The following PLCB2 variants were observed in gnomAD, a reference collection of about 807,000 sequenced individuals.
PLCB2 encodes 1-phosphatidylinositol 4,5-bisphosphate phosphodiesterase beta-2.
In PLCB2, 115 loss-of-function variants were observed where a neutral mutation model predicts 141.7. The ratio of observed to expected loss-of-function variants is 0.81; its 90% CI spans 0.70 to 0.95. The LOEUF (loss-of-function observed/expected upper bound fraction) is 0.95. Among genes scored for constraint, PLCB2 ranks in the 40% least tolerant of loss-of-function variants. PLCB2 has a pLI of 0.00. For synonymous variants in PLCB2, 603 were observed against 595.6 expected, an observed-to-expected ratio of 1.01 and a Z score of -0.18; for missense variants, 1,403 against 1,541.1, an observed-to-expected ratio of 0.91 and a Z score of 1.50.
In PLCB2 at chr15:40,299,194, G is replaced by A. The variant is rs947840738; in HGVS notation, c.617C>T (p.Pro206Leu). Reference sequence around the variant, plus strand: ...GCTCATGAGGAAACTCTTGTAGACAGGTTCTGGGAAGTCCTCAGGATTGAT... The same window carrying A: ...GCTCATGAGGAAACTCTTGTAGACAAGTTCTGGGAAGTCCTCAGGATTGAT... ...DAINPEDFPE[P>L]VYKSFLMSLC... is the part of the protein sequence containing the mutation. The change falls in exon 8 of 32, where the codon CCT becomes CTT. Residue 206 changes from proline (P) to leucine (L), a missense_variant. Coordinates refer to ENST00000260402, the MANE Select transcript of PLCB2 (RefSeq NM_004573.3). 1 of 1,613,790 alleles carries A rather than the reference G, an allele frequency of 6.2e-7. No homozygotes were observed.
Position 40,301,904 on chromosome 15 carries a change from T to C in PLCB2, c.582+53A>G, listed in dbSNP as rs1335181692. 9 of 1,543,700 alleles carry C rather than the reference T, an allele frequency of 5.8e-6. No homozygotes were observed. In the Admixed American group the frequency reaches 1.5e-4, roughly 26 times the overall value. On this transcript the variant is annotated intron_variant, in intron 7 of 31. Transcript: ENST00000260402. The stretch of plus-strand genomic sequence containing the variant: ...ACCCACCATTCCTGGCCAAGTTGCT[T>C]TCTGGTGGGGACAAGAATGCTGGGG...
Position 40,292,047 on chromosome 15 carries a change from G to T in PLCB2, c.2526+17C>A. ...AATCTCTGGTGAGCCCCTGGCAGCA[G>T]TGCAGGCAACACAGACCTCAGGCAG... On this transcript the variant is annotated intron_variant, in intron 23 of 31. Transcript: ENST00000260402. The T allele has an allele frequency of 6.2e-7, 1 of 1,611,428 alleles. No homozygotes were observed. The highest frequency in any genetic ancestry group is 1.1e-5 in the South Asian group (1 of 91,010).
At chr15:40,286,713 A>G (rs1216936549), downstream of PLCB2, among the ~76,000 whole-genome samples, 1 of 152,216 alleles carries the variant, frequency 6.6e-6, no homozygotes, top group Non-Finnish European at 1.5e-5. Flanking sequence ...CCCTGCAGCC[A>G]GAGACTAATT....
rs868163732 is a variant in PLCB2 at position 40,292,955 on chromosome 15, C to T, written c.2297G>A (p.Arg766His). Reference protein sequence around the residue: ...MEEGNKFLGHRIIPINALNSG... With the variant: ...MEEGNKFLGHHIIPINALNSG... ...ATTTAGGGCATTGATGGGGATGATG[C>T]GGTGTCCAAGAAACTTGTTGCCTTC... The change falls in exon 21 of 32, where the codon CGC (arginine) becomes CAC (histidine). Residue 766 changes from arginine (R) to histidine (H), a missense_variant. By Grantham distance (29) the Arg-to-His change is conservative. Transcript: ENST00000260402. 1.0e-5 allele frequency: 16 copies of T among 1,605,768 alleles called. No individual in the cohort carries two copies. The highest frequency in any genetic ancestry group is 1.3e-5 in the African/African-American group (1 of 74,634).
chr15:40,301,503 T>C, intron 7 of PLCB2: 1 of 702,760 alleles, frequency 1.4e-6, no homozygotes, highest in Non-Finnish European at 2.6e-6. Context: ...GTCTGCATCT[T>C]GGCAGCTTCC....
rs1040669619 is a variant in PLCB2, at chr15:40,288,224, G to A, written c.*491C>T. On this transcript the variant is annotated 3_prime_UTR_variant, in exon 32 of 32. Coordinates refer to ENST00000260402, the MANE Select transcript of PLCB2 (RefSeq NM_004573.3). ...GTGGCCGTCCCCAGGGAGCTGTGAG[G>A]TAGTGCCAGGATCTGCCTCAAGGAG... 1.0e-6 allele frequency: 1 copy of A among 985,998 alleles called. No individual in the cohort carries two copies. The highest frequency in any genetic ancestry group is 1.7e-5 in the African/African-American group (1 of 57,278). 61.1% of individuals were successfully genotyped at this position (985,998 alleles called of 1,614,324 possible).
chr15:40,300,939 T>G (rs1011845734), intron 7 of PLCB2: 1 of 152,708 alleles, frequency 6.5e-6, no homozygotes. Context: ...CAGTAGCCTC[T>G]ACTGAGACAC....
chr15:40,297,869 A>T lies in PLCB2; in HGVS notation c.1238+8T>A, dbSNP rs1167002925. 2 of 1,609,696 alleles carry T rather than the reference A, an allele frequency of 1.2e-6. No individual in the cohort carries two copies. Among genetic ancestry groups the T allele is most frequent in the Admixed American group, 3.3e-5 (2 of 59,970 alleles). ...TGAGAATGTGGCTGAATGGGCCTGG[A>T]TACGCACGAGTCCACATGGTTCTCA... On this transcript the variant is annotated splice_region_variant and intron_variant, in intron 12 of 31. Coordinates refer to ENST00000260402, the MANE Select transcript of PLCB2 (RefSeq NM_004573.3). The surrounding 1 kb of genome is among the most constrained non-coding windows in gnomAD (Gnocchi z 4.2).
chr15:40,303,142 C>T, intron 3 of PLCB2, 146 bp downstream of exon 3: 1 of 670,014 alleles, frequency 1.5e-6, no homozygotes, highest in Non-Finnish European at 2.7e-6. Context: ...CCTTCCTTGG[C>T]TTCCAGCCAC....
chr15:40,292,460 G>C lies in PLCB2; in HGVS notation c.2327-17C>G, dbSNP rs760033089. The C allele has an allele frequency of 2.5e-6, 4 of 1,583,072 alleles. No individual in the cohort carries two copies. Among genetic ancestry groups the C allele is most frequent in the Non-Finnish European group, 3.5e-6 (4 of 1,153,910 alleles). ...GGTGGTACCCTGTGAGACAGGACAGGGTAGGCAGTGAGCCAGAGCCCGTTC... is the reference window on the plus strand; with the variant it reads ...GGTGGTACCCTGTGAGACAGGACAGCGTAGGCAGTGAGCCAGAGCCCGTTC... On this transcript the variant is annotated splice_polypyrimidine_tract_variant and intron_variant, in intron 21 of 31. Transcript: ENST00000260402.
chr15:40,303,674 C>A (rs2040642236), intron 2 of PLCB2, among the ~76,000 whole-genome samples: 2 of 152,198 alleles, frequency 1.3e-5, no homozygotes, highest in Admixed American at 1.3e-4. Context: ...TGCCCAGAGG[C>A]TGGGGCCTAT....
Position 40,301,978 on chromosome 15 carries a change from G to A in PLCB2, c.561C>T (p.Ala187=), listed in dbSNP as rs766106447. 5 of 1,614,080 alleles carry A rather than the reference G, an allele frequency of 3.1e-6. No homozygotes were observed. The highest frequency in any genetic ancestry group is 1.1e-5 in the South Asian group (1 of 91,072). Residue 187 remains alanine (A), a synonymous_variant, in exon 7 of 32, where the codon GCC becomes GCT. Coordinates refer to ENST00000260402, the MANE Select transcript of PLCB2 (RefSeq NM_004573.3). ...DRKRVEAALS[A]CHLPKGKNDA... is the part of the protein sequence containing the mutation. ...TCACTTTGCCTTTGGGGAGGTGGCA[G>A]GCACTGAGAGCAGCTTCCACCCGCT...
At chr15:40,298,444 C>A in intron 10 of PLCB2, 64 bp from the exon 11 acceptor site, 1 of 1,575,890 alleles carries the variant, frequency 6.3e-7, no homozygotes, top group South Asian at 1.2e-5. Context: ...CTCCCCCTAC[C>A]GCCACTCCAT....
chr15:40,303,294 C>T lies in PLCB2; in HGVS notation c.225G>A (p.Met75Ile). The T allele has an allele frequency of 2.5e-6, 4 of 1,612,144 alleles. No homozygotes were observed. The highest frequency in any genetic ancestry group is 3.4e-6 in the Non-Finnish European group (4 of 1,178,146). Residue 75 changes from methionine (M) to isoleucine (I), a missense_variant, in exon 3 of 32, where the codon ATG becomes ATA. By Grantham distance (10) the Met-to-Ile change is conservative. Around this residue, in one of 4 missense-constraint regions of PLCB2, gnomAD observed 975 missense variants for 1,141.1 expected, o/e 0.85. Transcript: ENST00000260402. ...TGCTACTGGACACACCTACCTTGGG[C>T]ATCTTGGCAAACTTCCCAAAGCGAG... ...RDTRFGKFAKMPKSQKLRDVF... is the reference protein window; with the variant it reads ...RDTRFGKFAKIPKSQKLRDVF...
chr15:40,284,678 A>G, downstream of PLCB2: 1 of 400,392 alleles, frequency 2.5e-6, no homozygotes, highest in South Asian at 1.8e-5. Flanking sequence ...CGTCTCTACT[A>G]AAAATACAAA....
Position 40,302,306 on chromosome 15 carries a change from G to A in PLCB2, c.416C>T (p.Thr139Met), listed in dbSNP as rs779992442. Residue 139 changes from threonine to methionine, a missense_variant, in exon 5 of 32, where the codon ACG becomes ATG. By Grantham distance (81) the Thr-to-Met change is moderately conservative. Coordinates refer to ENST00000260402, the MANE Select transcript of PLCB2 (RefSeq NM_004573.3). The stretch of plus-strand genomic sequence containing the variant: ...GAAGGTGCTGCGGGAGGCGTTGGCC[G>A]TCAGCGGATGTTTGACTAGGGCCAG... The part of the protein sequence containing the change: ...DVLALVKHPL[T>M]ANASRSTFLD... 3.8e-5 allele frequency: 62 copies of A among 1,614,034 alleles called. No homozygotes were observed. Among genetic ancestry groups the A allele is most frequent in the Admixed American group, 1.3e-4 (8 of 60,008 alleles).
Position 40,288,316 on chromosome 15 carries a change from A to C in PLCB2, c.*399T>G. ...GCCTGGGGCAGGAGGGTTCGGGGCT[A>C]GAGTGGAGGTGAGTGGGTCCAACCC... On this transcript the variant is annotated 3_prime_UTR_variant, in exon 32 of 32. Coordinates refer to ENST00000260402, the MANE Select transcript of PLCB2 (RefSeq NM_004573.3). 1 of 996,180 alleles carries C rather than the reference A, an allele frequency of 1.0e-6. No homozygotes were observed. The allele number at this position is 996,180 out of a possible 1,614,324, so 61.7% of individuals were successfully genotyped here.
chr15:40,305,789 T>C (rs988286576), intron 1 of PLCB2, among the ~76,000 whole-genome samples: 2 of 152,182 alleles, frequency 1.3e-5, no homozygotes, highest in Non-Finnish European at 2.9e-5. Flanking sequence ...CCTGTTTAAA[T>C]AGAACTTGGT....
rs199801359 is a variant in PLCB2, at chr15:40,291,586, C to T, written c.2647+20G>A. The T allele has an allele frequency of 8.8e-5, 142 of 1,613,082 alleles. 2 individuals carry two copies. In the East Asian group the frequency reaches 3.1e-3, roughly 35 times the overall value. ...CGCCCCAGGCTCATCCCCGAGATCA[C>T]CGGGCTCAGCAGGCCTTACCCGCAG... On this transcript the variant is annotated intron_variant, in intron 25 of 31. Transcript: ENST00000260402.
Sources: gnomAD v4.1 joint callset for allele counts (sites outside exome capture counted in the v4.1 genomes callset) on GRCh38, gnomAD v4.1.1 for gene constraint, gnomAD v4.1.1 regional missense constraint, Gnocchi (gnomAD v3.1) non-coding constraint, MANE v1.5 for transcripts, NCBI Gene and HGNC (gene_info 2026-07-23, HGNC 2026-07-21) for gene names.